Variants in CDCA2 observed in about 807,000 individuals in gnomAD.
CDCA2 encodes the protein cell division cycle associated 2, also known as cell division cycle-associated protein 2.
CDCA2 carries 44 observed loss-of-function variants against 67.0 expected under a neutral mutation model. The ratio of observed to expected loss-of-function variants is 0.66; its 90% confidence interval spans 0.52 to 0.84. The LOEUF (loss-of-function observed/expected upper bound fraction) is 0.84. CDCA2 is among the 40% of genes least tolerant of loss of function. The pLI is 0.00. For synonymous variants in CDCA2, 447 were observed against 418.7 expected, an observed-to-expected ratio of 1.07 and a Z score of -0.82; for missense variants, 1,253 against 1,203.2, an observed-to-expected ratio of 1.04 and a Z score of -0.61.
intron 13 of CDCA2, among the ~76,000 whole-genome samples, chr8:25,502,294 G>GT (rs1178317209): frequency 6.6e-6 from 1 of 152,100 alleles, no homozygotes; most frequent in African/African-American, 2.4e-5. Flanking sequence ...ATAACAGTCT[G>GT]TCTTTCTAGT....
At chr8:25,476,282 G>A (rs866925040) in intron 7 of CDCA2, among the ~76,000 whole-genome samples, 7 of 152,244 alleles carry the variant, frequency 4.6e-5, no homozygotes, top group Middle Eastern at 6.8e-3. Context: ...GTACACATAC[G>A]TAAGGAATTA....
At chr8:25,462,252 G>A (rs376179896) in intron 4 of CDCA2, 44 bp downstream of exon 4, 5 of 1,586,948 alleles carry the variant, frequency 3.2e-6, no homozygotes, top group Non-Finnish European at 4.3e-6. Flanking sequence ...CGTTAATGAA[G>A]CTTTTGTGCT....
intron 5 of CDCA2, among the ~76,000 whole-genome samples, chr8:25,467,344 C>A (rs1802956237): frequency 6.6e-6 from 1 of 152,120 alleles, no homozygotes; most frequent in Non-Finnish European, 1.5e-5. Flanking sequence ...TCTGTTAGCC[C>A]AAGACAAGTC....
chr8:25,491,870 T>C (rs1036273360), intron 13 of CDCA2, among the ~76,000 whole-genome samples: 4 of 151,982 alleles, frequency 2.6e-5, no homozygotes, highest in Admixed American at 2.0e-4. Context: ...TGATCTTGGC[T>C]CACCACAACC....
chr8:25,503,609 T>C, intron 14 of CDCA2, 65 bp downstream of exon 14: 1 of 1,501,202 alleles, frequency 6.7e-7, no homozygotes, highest in Non-Finnish European at 9.0e-7. Flanking sequence ...GTTGCTATTT[T>C]ACTTTTTTCA....
chr8:25,470,447 T>G (rs1250380135), intron 7 of CDCA2, among the ~76,000 whole-genome samples: 7 of 152,230 alleles, frequency 4.6e-5, no homozygotes, highest in African/African-American at 7.2e-5. Flanking sequence ...TTGTGTTTTA[T>G]TAATCCATTC....
chr8:25,499,294 ATTTTTTTTTTTTT>A (rs34849682), intron 13 of CDCA2, among the ~76,000 whole-genome samples: 6 of 83,202 alleles, frequency 7.2e-5, no homozygotes, highest in Admixed American at 1.7e-4. Flanking sequence ...ATGTCCATGA[ATTTTTTTTTTTTT>A]TTTTTTTTTT....
chr8:25,505,321 C>A (rs1046782558), intron 14 of CDCA2, among the ~76,000 whole-genome samples: 1 of 152,192 alleles, frequency 6.6e-6, no homozygotes, highest in Admixed American at 6.5e-5. Flanking sequence ...CCTGCTTCAG[C>A]CTCCCAGGTA....
At chr8:25,504,571 G>A (rs1804603018) in intron 14 of CDCA2, among the ~76,000 whole-genome samples, 1 of 152,108 alleles carries the variant, frequency 6.6e-6, no homozygotes, top group Admixed American at 6.6e-5. Flanking sequence ...TAGACTTGAG[G>A]ATGAATGAGG....
intron 5 of CDCA2, among the ~76,000 whole-genome samples, chr8:25,466,791 C>T (rs1802918261): frequency 6.6e-6 from 1 of 152,000 alleles, no homozygotes. Flanking sequence ...GCCTGTAATT[C>T]CAGCACTTTG....
intron 7 of CDCA2, among the ~76,000 whole-genome samples, chr8:25,479,205 G>C (rs2117507782): frequency 6.6e-6 from 1 of 152,086 alleles, no homozygotes; most frequent in East Asian, 1.9e-4. Flanking sequence ...CTGTCCTGAG[G>C]ATCCTCATGT....
rs371312809 is a variant in CDCA2 at position 25,480,074 on chromosome 8, C to G, written c.982C>G (p.Arg328Gly). Residue 328 changes from arginine (R) to glycine (G), a missense_variant, in exon 8 of 15, where the codon CGT (arginine) becomes GGT (glycine). Transcript: ENST00000330560. Reference protein sequence around the residue: ...DLPTPKTFVLRSVLKKPSVKM... With the variant: ...DLPTPKTFVLGSVLKKPSVKM... ...TCCCACCCCCAAGACCTTTGTACTT[C>G]GTTCTGTACTGAAGAAACCCTCTGT... 1 of 1,614,106 alleles carries G rather than the reference C, an allele frequency of 6.2e-7. No homozygotes were observed. Among genetic ancestry groups the G allele is most frequent in the Admixed American group, 1.7e-5 (1 of 60,004 alleles).
intron 4 of CDCA2, among the ~76,000 whole-genome samples, chr8:25,465,390 T>TA (rs1287881523): frequency 1.3e-4 from 19 of 151,886 alleles, no homozygotes; most frequent in Non-Finnish European, 1.8e-4. Flanking sequence ...GTCCAAGTAA[T>TA]AAAAAAAAAT....
In CDCA2 at chr8:25,462,086, C is replaced by T. The variant is rs1396382891; in HGVS notation, c.265C>T (p.Arg89Ter). 1.9e-6 allele frequency: 3 copies of T among 1,614,074 alleles called. No homozygotes were observed. The highest frequency in any genetic ancestry group is 1.7e-5 in the Admixed American group (1 of 60,006). The change falls in exon 4 of 15, where the codon CGA (arginine) becomes TGA (stop). Residue 89 changes from arginine (R) to a stop codon, truncating the protein, a stop_gained. Transcript: ENST00000330560. LOFTEE classifies it high-confidence loss of function. ...ATCATCCTACCTTAAAAAATGTAGA[C>T]GACGTTCTGCAGTCGGTGCTCGGGG... ...KSSSYLKKCR[R>*]RSAVGARGSP...
intron 14 of CDCA2, among the ~76,000 whole-genome samples, chr8:25,505,870 A>G (rs1276327436): frequency 6.6e-6 from 1 of 152,172 alleles, no homozygotes; most frequent in African/African-American, 2.4e-5. Context: ...GATGTGCCAG[A>G]AATACATGAA....
At chr8:25,463,128 T>G (rs1278470558) in intron 4 of CDCA2, among the ~76,000 whole-genome samples, 3 of 152,186 alleles carry the variant, frequency 2.0e-5, no homozygotes, top group Non-Finnish European at 4.4e-5. Flanking sequence ...AGTTACTGAT[T>G]TTTTCATGAC....
chr8:25,468,145 GAAA>G (rs369932212), intron 5 of CDCA2, 69 bp from the exon 6 acceptor site: 1 of 342,970 alleles, frequency 2.9e-6, no homozygotes, highest in African/African-American at 2.3e-5. Context: ...AAAAAGAAAA[GAAA>G]AAAAATATAT....
At chr8:25,469,167 T>C (rs924680129) in intron 6 of CDCA2, among the ~76,000 whole-genome samples, 1 of 152,236 alleles carries the variant, frequency 6.6e-6, no homozygotes, top group Non-Finnish European at 1.5e-5. Context: ...CTAACACCGT[T>C]ACAGTTGGAA....
At chr8:25,475,327 T>G (rs182044350) in intron 7 of CDCA2, among the ~76,000 whole-genome samples, 7 of 152,272 alleles carry the variant, frequency 4.6e-5, no homozygotes, top group Admixed American at 1.3e-4. Flanking sequence ...TAGACCAGCC[T>G]GACCAATATG....
Sources: gnomAD v4.1 joint callset for allele counts (sites outside exome capture counted in the v4.1 genomes callset) on GRCh38, gnomAD v4.1.1 for gene constraint, MANE v1.5 for transcripts, NCBI Gene and HGNC (gene_info 2026-07-23, HGNC 2026-07-21) for gene names.